Variants in NR3C1 observed in about 807,000 individuals in gnomAD.
NR3C1 encodes the protein glucocorticoid receptor.
Under a neutral mutation model 74.0 loss-of-function variants are expected in NR3C1, and 14 were observed. That is an observed-to-expected ratio of 0.19 (90% CI 0.12 to 0.30). The LOEUF (loss-of-function observed/expected upper bound fraction) is 0.30, where lower values mean the gene tolerates loss of function less well. NR3C1 is among the 10% of genes least tolerant of loss of function. The pLI is 1.00. For missense variants in NR3C1, 695 were observed against 909.8 expected, an observed-to-expected ratio of 0.76 and a Z score of 3.04; for synonymous variants, 308 against 332.5, an observed-to-expected ratio of 0.93 and a Z score of 0.80.
Position 143,341,285 on chromosome 5 carries a change from G to C in NR3C1, c.1185-27117C>G, listed in dbSNP as rs576389248. ...AGTAGGATCTGCTAACTCAGAATCA[G>C]GAGTGTTCTTTAATTTATGAGGTTC... On this transcript the variant is annotated intron_variant, in intron 2 of 8. Transcript: ENST00000394464. Among the ~76,000 whole-genome samples the C allele has an allele frequency of 1.3e-4, 20 of 152,314 alleles. No individual in the cohort carries two copies. The South Asian group carries it at 4.1e-3, about 32-fold the overall frequency.
chr5:143,285,749 C>T (rs1397105406), intron 7 of NR3C1, among the ~76,000 whole-genome samples: 1 of 151,800 alleles, frequency 6.6e-6, no homozygotes, highest in Non-Finnish European at 1.5e-5. Context: ...GTGTGGGATG[C>T]AATGAAGACA....
chr5:143,435,500 C>T (rs1752061357), exon 1 of NR3C1: 1 of 985,264 alleles, frequency 1.0e-6, no homozygotes, highest in African/African-American at 1.7e-5. Context: ...GAAAGCAAAC[C>T]CTTACATAAC....
At position 143,388,653 on chromosome 5, in the gene NR3C1, C is replaced by T. The variant is rs1382735089; in HGVS notation, c.1184+11003G>A. 6.6e-5 allele frequency among the ~76,000 whole-genome samples: 10 copies of T among 152,146 alleles called. No homozygotes were observed. The South Asian group carries it at 1.7e-3, about 25-fold the overall frequency. Reference sequence around the variant, plus strand: ...TCAGAGATCTCTTTTACAGAGCTGACATTTAAATGAGAGAGTAAACCATGT... The same window carrying T: ...TCAGAGATCTCTTTTACAGAGCTGATATTTAAATGAGAGAGTAAACCATGT... On this transcript the variant is annotated intron_variant, in intron 2 of 8. Coordinates refer to ENST00000394464, the MANE Select transcript of NR3C1 (RefSeq NM_000176.3).
intron 1 of NR3C1, among the ~76,000 whole-genome samples, chr5:143,409,988 C>G (rs1330939811): frequency 6.6e-6 from 1 of 152,172 alleles, no homozygotes; most frequent in African/African-American, 2.4e-5. Flanking sequence ...TTAGTTTAAG[C>G]AATACCTGAT....
At chr5:143,385,606 C>T (rs1439747456) in intron 2 of NR3C1, among the ~76,000 whole-genome samples, 1 of 152,226 alleles carries the variant, frequency 6.6e-6, no homozygotes, top group Non-Finnish European at 1.5e-5. Context: ...CAAAGATCCA[C>T]AGATCTCTAG....
intron 2 of NR3C1, among the ~76,000 whole-genome samples, chr5:143,316,317 A>G (rs568014423): frequency 5.7e-4 from 86 of 152,158 alleles, no homozygotes; most frequent in Non-Finnish European, 1.0e-3. Context: ...CCTGACATCT[A>G]TTTTTAGGGA....
intron 6 of NR3C1, among the ~76,000 whole-genome samples, chr5:143,296,863 G>A (rs1388054430): frequency 6.6e-6 from 1 of 152,000 alleles, no homozygotes. Context: ...GATCACTTGA[G>A]GTCAGGAGTT....
At chr5:143,320,131 A>AG (rs1250687130) in intron 2 of NR3C1, among the ~76,000 whole-genome samples, 1 of 152,224 alleles carries the variant, frequency 6.6e-6, no homozygotes, top group Non-Finnish European at 1.5e-5. Context: ...CTGACTGCCC[A>AG]TTTATCTCTG....
At position 143,298,822 on chromosome 5, in the gene NR3C1, G is replaced by A. The variant is rs774926982; in HGVS notation, c.1748-10C>T. 21 of 1,611,544 alleles carry A rather than the reference G, an allele frequency of 1.3e-5. No individual in the cohort carries two copies. Among genetic ancestry groups the A allele is most frequent in the Non-Finnish European group, 1.8e-5 (21 of 1,179,008 alleles). On this transcript the variant is annotated splice_polypyrimidine_tract_variant and intron_variant, in intron 5 of 8. Transcript: ENST00000394464. ...TGTAAGTTCCTGAAACCTGAATTAA[G>A]AGAAATAAAGGTATGAGGCAACACT...
chr5:143,355,199 A>AC (rs1367821041), intron 2 of NR3C1, among the ~76,000 whole-genome samples: 2 of 152,198 alleles, frequency 1.3e-5, no homozygotes, highest in African/African-American at 4.8e-5. Flanking sequence ...ATGACAGAAT[A>AC]CCCCTATAAT....
At chr5:143,329,376 G>T (rs1825407619) in intron 2 of NR3C1, among the ~76,000 whole-genome samples, 1 of 152,160 alleles carries the variant, frequency 6.6e-6, no homozygotes, top group South Asian at 2.1e-4. Context: ...TTCAAGATAA[G>T]ATTTGGGTGG....
chr5:143,282,538 CTTATATTTGGCT>C lies in NR3C1; in HGVS notation c.2181+18_2181+29del. 1 of 1,613,110 alleles carries C rather than the reference CTTATATTTGGCT, an allele frequency of 6.2e-7. No homozygotes were observed. The highest frequency in any genetic ancestry group is 8.5e-7 in the Non-Finnish European group (1 of 1,179,376). Reference sequence around the variant, plus strand: ...AAAACATACTTTGTCCCAGAAAACTCTTATATTTGGCTTTATGTTTGACACTTACTTCATGCA... The same window carrying C: ...AAAACATACTTTGTCCCAGAAAACTCTTATGTTTGACACTTACTTCATGCA... On this transcript the variant is annotated intron_variant, in intron 8 of 8. Coordinates refer to ENST00000394464, the MANE Select transcript of NR3C1 (RefSeq NM_000176.3).
At position 143,300,116 on chromosome 5, in the gene NR3C1, T is replaced by G. The variant is rs967554431; in HGVS notation, c.1747+369A>C. 6.6e-6 allele frequency among the ~76,000 whole-genome samples: 1 copy of G among 152,242 alleles called. No homozygotes were observed. Among genetic ancestry groups the G allele is most frequent in the African/African-American group, 2.4e-5 (1 of 41,468 alleles). ...CAACATACTTGATGTTTACCAATCT[T>G]ACAAACAACCTGATTTTTAAAAGTG... On this transcript the variant is annotated intron_variant, in intron 5 of 8. Coordinates refer to ENST00000394464, the MANE Select transcript of NR3C1 (RefSeq NM_000176.3). This position sits in a 1 kb window ranked among gnomAD's most constrained non-coding sequence, Gnocchi z 5.2.
At chr5:143,318,756 T>G (rs1397150849) in intron 2 of NR3C1, among the ~76,000 whole-genome samples, 4 of 152,202 alleles carry the variant, frequency 2.6e-5, no homozygotes, top group Non-Finnish European at 5.9e-5. Flanking sequence ...CAGTTTAATC[T>G]TATACACTTT....
chr5:143,375,755 C>T (rs1480764940), intron 2 of NR3C1: 1 of 152,164 alleles, frequency 6.6e-6, no homozygotes, highest in Non-Finnish European at 1.5e-5. Context: ...ATCTACTTCC[C>T]TGAAGACTGT....
intron 2 of NR3C1, among the ~76,000 whole-genome samples, chr5:143,371,937 T>A (rs1023450623): frequency 6.6e-6 from 1 of 152,216 alleles, no homozygotes; most frequent in Non-Finnish European, 1.5e-5. Context: ...AGTGTTCATT[T>A]AACACTAAAA....
chr5:143,293,447 C>G (rs1241298895), intron 7 of NR3C1, among the ~76,000 whole-genome samples: 1 of 152,080 alleles, frequency 6.6e-6, no homozygotes, highest in Non-Finnish European at 1.5e-5. Context: ...ATGGGTGCAC[C>G]AAAATCCCAG....
intron 2 of NR3C1, among the ~76,000 whole-genome samples, chr5:143,330,538 T>A (rs1429083097): frequency 6.6e-6 from 1 of 152,170 alleles, no homozygotes; most frequent in Non-Finnish European, 1.5e-5. Flanking sequence ...ACCAAATCCC[T>A]CTTGAAAAGA....
intron 7 of NR3C1, among the ~76,000 whole-genome samples, chr5:143,291,722 C>T (rs1317619395): frequency 1.3e-5 from 2 of 152,168 alleles, no homozygotes; most frequent in Non-Finnish European, 2.9e-5. Flanking sequence ...TATCTTCAAG[C>T]TCACTGACTC....
Sources: allele counts gnomAD v4.1 joint callset (sites outside exome capture counted in the v4.1 genomes callset), GRCh38; gene constraint gnomAD v4.1.1; non-coding constraint Gnocchi (gnomAD v3.1); transcripts MANE v1.5; gene names NCBI Gene and HGNC (gene_info 2026-07-23, HGNC 2026-07-21).